The following CYREN variants were observed in gnomAD, a reference collection of about 807,000 sequenced individuals.
The protein encoded by CYREN is cell cycle regulator of non-homologous end joining.
In CYREN, 7 loss-of-function variants were observed where a neutral mutation model predicts 9.7. That is an observed-to-expected ratio of 0.72 (90% CI 0.41 to 1.36). The LOEUF (loss-of-function observed/expected upper bound fraction) is 1.36. Among genes scored for constraint, CYREN ranks in the 40% most tolerant of loss-of-function variants. CYREN has a pLI of 0.01. For synonymous variants in CYREN, 76 were observed against 77.9 expected (o/e 0.98, Z 0.13); for missense variants, 215 against 198.1 (o/e 1.09, Z -0.51).
chr7:135,110,223 A>G (rs1248042270), intron 2 of CYREN, among the ~76,000 whole-genome samples: 1 of 152,052 alleles, frequency 6.6e-6, no homozygotes, highest in East Asian at 1.9e-4. Flanking sequence ...GGCTGGCTGG[A>G]GTTCCAAGCC....
intron 2 of CYREN, among the ~76,000 whole-genome samples, chr7:135,124,475 T>C (rs184713687): frequency 6.6e-6 from 1 of 152,274 alleles, no homozygotes; most frequent in Admixed American, 6.5e-5. Flanking sequence ...CTGTCAATAT[T>C]AGACAGATCA....
At chr7:135,099,692 G>A (rs1357435197) in intron 2 of CYREN, among the ~76,000 whole-genome samples, 1 of 152,036 alleles carries the variant, frequency 6.6e-6, no homozygotes, top group Non-Finnish European at 1.5e-5. Context: ...GATAACCATT[G>A]CTAATCAGAT....
At chr7:135,156,110 T>C (rs1379720287) in intron 2 of CYREN, among the ~76,000 whole-genome samples, 1 of 152,158 alleles carries the variant, frequency 6.6e-6, no homozygotes, top group Non-Finnish European at 1.5e-5. Context: ...TGAAAAGTCC[T>C]CAATTGGTCT....
At chr7:135,158,458 A>C (rs1404135033) in intron 2 of CYREN, among the ~76,000 whole-genome samples, 1 of 152,184 alleles carries the variant, frequency 6.6e-6, no homozygotes, top group Non-Finnish European at 1.5e-5. Context: ...CAGCATTGGC[A>C]ACAAGCTGTG....
chr7:135,127,550 TA>T (rs34308951), intron 2 of CYREN, among the ~76,000 whole-genome samples: 65,202 of 146,072 alleles, frequency 0.45, 14,498 homozygotes, highest in South Asian at 0.58. Flanking sequence ...AGTCTCCGTC[TA>T]AAAAAAAAAA....
chr7:135,125,686 C>T (rs1336131790), intron 2 of CYREN, among the ~76,000 whole-genome samples: 4 of 152,180 alleles, frequency 2.6e-5, no homozygotes, highest in Middle Eastern at 3.2e-3. Flanking sequence ...TATCAAAAAA[C>T]GTATCCACCA....
At chr7:135,158,973 C>T (rs931657076) in intron 2 of CYREN, among the ~76,000 whole-genome samples, 4 of 152,252 alleles carry the variant, frequency 2.6e-5, no homozygotes, top group African/African-American at 4.8e-5. Flanking sequence ...TTAGGCAGCT[C>T]CGAATGTCAG....
At chr7:135,171,311 T>TG (rs1830641689), upstream of CYREN, among the ~76,000 whole-genome samples, 7 of 12,886 alleles carry the variant, frequency 5.4e-4, no homozygotes, top group South Asian at 0.056. Context: ...CAGTACCTGT[T>TG]TTTTTTTTTT....
chr7:135,130,111 G>C (rs749451917), intron 2 of CYREN, among the ~76,000 whole-genome samples: 5 of 151,960 alleles, frequency 3.3e-5, no homozygotes, highest in Non-Finnish European at 7.4e-5. Context: ...TTACAACTGG[G>C]GTAGGTAGAA....
At chr7:135,141,138 G>T (rs114934619) in intron 2 of CYREN, among the ~76,000 whole-genome samples, 1,960 of 152,106 alleles carry the variant, frequency 0.013, 37 homozygotes, top group African/African-American at 0.045. Flanking sequence ...TTTGCTACCT[G>T]TTTTTCTTTG....
chr7:135,105,838 C>T (rs1585146331), intron 2 of CYREN, among the ~76,000 whole-genome samples: 1 of 152,128 alleles, frequency 6.6e-6, no homozygotes, highest in Non-Finnish European at 1.5e-5. Context: ...ACAATATGAC[C>T]ATTTTAATGA....
intron 2 of CYREN, chr7:135,135,534 A>T: frequency 4.0e-6 from 1 of 248,006 alleles, no homozygotes; most frequent in Non-Finnish European, 7.6e-6. Flanking sequence ...TGAAGTTTTG[A>T]TTTCTTCCAA....
intron 2 of CYREN, among the ~76,000 whole-genome samples, chr7:135,136,537 A>G (rs544136461): frequency 6.6e-6 from 1 of 152,168 alleles, no homozygotes; most frequent in Non-Finnish European, 1.5e-5. Flanking sequence ...CAAGAGCAGA[A>G]GTCTACTTGC....
At chr7:135,144,916 G>A (rs1479123260) in intron 2 of CYREN, among the ~76,000 whole-genome samples, 1 of 112,616 alleles carries the variant, frequency 8.9e-6, no homozygotes, top group East Asian at 3.1e-4. Flanking sequence ...CTAGGTGACA[G>A]AGAGACCCTG....
At chr7:135,170,000 A>AC (rs1253106265) in intron 1 of CYREN, among the ~76,000 whole-genome samples, 9 of 152,272 alleles carry the variant, frequency 5.9e-5, no homozygotes, top group African/African-American at 2.2e-4. Flanking sequence ...AGTGACTCCT[A>AC]CCCCCTAAGG....
intron 2 of CYREN, among the ~76,000 whole-genome samples, chr7:135,153,318 G>A (rs1478702829): frequency 6.6e-5 from 10 of 151,992 alleles, no homozygotes; most frequent in Admixed American, 1.3e-4. Context: ...GCTGGGCATG[G>A]TGTCACGCAC....
chr7:135,143,772 T>A (rs1302839678), intron 2 of CYREN, among the ~76,000 whole-genome samples: 1 of 152,166 alleles, frequency 6.6e-6, no homozygotes, highest in Non-Finnish European at 1.5e-5. Flanking sequence ...AAAAACCCAT[T>A]TAAAGTTTTA....
intron 2 of CYREN, among the ~76,000 whole-genome samples, chr7:135,143,543 T>G (rs1172267908): frequency 6.6e-6 from 1 of 152,142 alleles, no homozygotes; most frequent in East Asian, 1.9e-4. Flanking sequence ...GAAAAAAAAC[T>G]AGACGGCTGA....
At chr7:135,108,024 G>A (rs1231933791) in intron 2 of CYREN, among the ~76,000 whole-genome samples, 1 of 151,826 alleles carries the variant, frequency 6.6e-6, no homozygotes, top group East Asian at 1.9e-4. Flanking sequence ...TCTGAAATTA[G>A]GATTGCAACC....
Sources: allele counts gnomAD v4.1 joint callset (sites outside exome capture counted in the v4.1 genomes callset), GRCh38; gene constraint gnomAD v4.1.1; transcripts MANE v1.5; gene names NCBI Gene and HGNC (gene_info 2026-07-23, HGNC 2026-07-21).